The following RHBDD1 variants were observed in gnomAD, a reference collection of about 807,000 sequenced individuals.
RHBDD1 encodes the protein rhomboid domain containing 1, also known as rhomboid-related protein 4.
In RHBDD1, 38 loss-of-function variants were observed where a neutral mutation model predicts 36.3. The ratio of observed to expected loss-of-function variants is 1.05; its 90% CI spans 0.81 to 1.37. RHBDD1 has a LOEUF of 1.37. Ranked by LOEUF, RHBDD1 falls within the 40% of genes most tolerant of loss-of-function variation. The pLI is 0.00. For missense variants in RHBDD1, 393 were observed against 377.6 expected (o/e 1.04, Z -0.34); for synonymous variants, 151 against 136.5 (o/e 1.11, Z -0.74).
At chr2:226,982,984 G>A (rs186451998) in intron 8 of RHBDD1, among the ~76,000 whole-genome samples, 1 of 152,264 alleles carries the variant, frequency 6.6e-6, no homozygotes, top group African/African-American at 2.4e-5. Flanking sequence ...CCAAGGTTGA[G>A]CATAGCATAA....
Position 226,865,142 on chromosome 2 carries a change from T to G in RHBDD1, c.433+16T>G. 6.3e-7 allele frequency: 1 copy of G among 1,583,702 alleles called. No homozygotes were observed. Among genetic ancestry groups the G allele is most frequent in the Non-Finnish European group, 8.6e-7 (1 of 1,165,176 alleles). ...GGTTTCTCAGGTAAGGGAGACAAAA[T>G]TTTGAGGTTGCATGCATAAAGGAAG... On this transcript the variant is annotated intron_variant, in intron 4 of 8. Coordinates refer to ENST00000392062, the MANE Select transcript of RHBDD1 (RefSeq NM_001167608.3).
chr2:226,835,450 G>A (rs950463323), upstream of RHBDD1: 1 of 152,228 alleles, frequency 6.6e-6, no homozygotes, highest in African/African-American at 2.4e-5. Context: ...AGGTGCACCC[G>A]CGACCTTGCC....
At chr2:226,829,277 A>G in the RHBDD1 span, among the ~76,000 whole-genome samples, 23 of 152,342 alleles carry the variant, frequency 1.5e-4, no homozygotes, top group Middle Eastern at 3.4e-3. Context: ...CTATAACTTT[A>G]TAACACATTT....
At chr2:226,840,775 G>C (rs1339150615) in intron 3 of RHBDD1, among the ~76,000 whole-genome samples, 2 of 152,134 alleles carry the variant, frequency 1.3e-5, no homozygotes, top group African/African-American at 4.8e-5. Flanking sequence ...AGTAATGAAT[G>C]AAATAAATAT....
At chr2:226,924,462 T>C (rs958331971) in intron 8 of RHBDD1, among the ~76,000 whole-genome samples, 1 of 152,124 alleles carries the variant, frequency 6.6e-6, no homozygotes, top group Non-Finnish European at 1.5e-5. Context: ...GAGCTGCGAG[T>C]TGCAGTGCCT....
intron 8 of RHBDD1, among the ~76,000 whole-genome samples, chr2:226,919,514 G>A (rs1429946378): frequency 6.6e-6 from 1 of 152,018 alleles, no homozygotes. Context: ...TGAGAGATAG[G>A]GGTCTAGTTT....
At chr2:226,975,793 T>A (rs1033317154) in intron 8 of RHBDD1, among the ~76,000 whole-genome samples, 1 of 152,226 alleles carries the variant, frequency 6.6e-6, no homozygotes, top group African/African-American at 2.4e-5. Flanking sequence ...AACTACAGAT[T>A]ATTTAGAAAA....
the RHBDD1 span, among the ~76,000 whole-genome samples, chr2:226,818,124 C>CTA: frequency 2.1e-5 from 3 of 144,312 alleles, no homozygotes; most frequent in Admixed American, 2.1e-4. Flanking sequence ...GTTGGTCCAT[C>CTA]TATAGTCTTT....
intron 5 of RHBDD1, among the ~76,000 whole-genome samples, chr2:226,877,183 C>G (rs114721928): frequency 0.013 from 1,938 of 152,268 alleles, 38 homozygotes; most frequent in South Asian, 0.043. Context: ...TATCAGTGAA[C>G]CTGACCACGT....
intron 5 of RHBDD1, among the ~76,000 whole-genome samples, chr2:226,905,358 C>T (rs1489425387): frequency 6.6e-6 from 1 of 152,072 alleles, no homozygotes; most frequent in Non-Finnish European, 1.5e-5. Context: ...GAAAGAACGG[C>T]TCTTCAACTG....
chr2:226,997,448 A>G lies in RHBDD1; in HGVS notation c.*1926A>G, dbSNP rs534910226. ...AAAGGTGTGCCTTCTACGTGGGAAC[A>G]TGGATTGTGAATGACTCTGTAATGA... On this transcript the variant is annotated 3_prime_UTR_variant, in exon 9 of 9. Transcript: ENST00000392062. 17 of 152,314 alleles carry G rather than the reference A, an allele frequency of 1.1e-4. No individual in the cohort carries two copies. Among genetic ancestry groups the G allele is most frequent in the African/African-American group, 4.1e-4 (17 of 41,576 alleles). 9.4% of individuals were successfully genotyped at this position (152,314 alleles called of 1,614,324 possible).
At chr2:226,973,082 C>T (rs1368055438) in intron 8 of RHBDD1, among the ~76,000 whole-genome samples, 1 of 152,186 alleles carries the variant, frequency 6.6e-6, no homozygotes, top group African/African-American at 2.4e-5. Flanking sequence ...TGCCATCCTT[C>T]CTCACAGAAG....
intron 8 of RHBDD1, among the ~76,000 whole-genome samples, chr2:226,986,060 A>G (rs6706802): frequency 0.46 from 69,676 of 152,140 alleles, 16,191 homozygotes; most frequent in South Asian, 0.56. Flanking sequence ...TTTCACCTCT[A>G]TGGTATTCTT....
intron 5 of RHBDD1, among the ~76,000 whole-genome samples, chr2:226,870,406 TTTTG>T (rs1327976556): frequency 6.6e-6 from 1 of 152,228 alleles, no homozygotes. Flanking sequence ...TGTTATTTAA[TTTTG>T]TTTGTTTGAC....
At chr2:226,820,491 G>A in the RHBDD1 span, among the ~76,000 whole-genome samples, 1 of 151,910 alleles carries the variant, frequency 6.6e-6, no homozygotes, top group East Asian at 1.9e-4. Flanking sequence ...GAATTCCATA[G>A]AGAAGTAACT....
chr2:226,954,277 G>A (rs767212941), intron 8 of RHBDD1, among the ~76,000 whole-genome samples: 3 of 152,102 alleles, frequency 2.0e-5, no homozygotes, highest in African/African-American at 4.8e-5. Flanking sequence ...GAGGGTGATT[G>A]ATTTTTTTAA....
chr2:226,864,548 CTT>C lies in RHBDD1; in HGVS notation c.-90-55_-90-54del, dbSNP rs967553818. 2.9e-5 allele frequency: 20 copies of C among 678,472 alleles called. No individual in the cohort carries two copies. The African/African-American group carries it at 3.6e-4, about 12-fold the overall frequency. The allele number at this position is 678,472 out of a possible 1,614,324, so 42.0% of individuals were successfully genotyped here. A position where few individuals can be genotyped will look rare whatever the true frequency, so the allele number is the denominator to read the frequency against. The stretch of plus-strand genomic sequence containing the variant: ...GGAGTTTGTCTTGAAGCGAGTATGT[CTT>C]ATATATGTACTAATTCTTAATTGAT... On this transcript the variant is annotated intron_variant, in intron 3 of 8. Coordinates refer to ENST00000392062, the MANE Select transcript of RHBDD1 (RefSeq NM_001167608.3).
intron 7 of RHBDD1, 52 bp from the exon 8 acceptor site, chr2:226,914,156 A>G (rs1948725693): frequency 1.7e-5 from 26 of 1,562,148 alleles, no homozygotes; most frequent in Non-Finnish European, 2.3e-5. Context: ...AACAGGAAGT[A>G]TAAAACAACA....
At chr2:226,975,402 G>A (rs1016858798) in intron 8 of RHBDD1, among the ~76,000 whole-genome samples, 11 of 152,054 alleles carry the variant, frequency 7.2e-5, no homozygotes, top group African/African-American at 1.9e-4. Flanking sequence ...AGGGAGGCCC[G>A]AACTCAATGA....
Sources: allele counts gnomAD v4.1 joint callset (sites outside exome capture counted in the v4.1 genomes callset), GRCh38; gene constraint gnomAD v4.1.1; transcripts MANE v1.5; gene names NCBI Gene and HGNC (gene_info 2026-07-23, HGNC 2026-07-21).